The following MAGI1 variants were observed in gnomAD, a reference collection of about 807,000 sequenced individuals.
MAGI1 encodes the protein membrane associated guanylate kinase, WW and PDZ domain containing 1.
MAGI1 carries 58 observed loss-of-function variants against 139.9 expected under a neutral mutation model. The ratio of observed to expected loss-of-function variants is 0.41; its 90% confidence interval spans 0.34 to 0.52. MAGI1 has a LOEUF of 0.52. Among genes scored for constraint, MAGI1 ranks in the 20% least tolerant of loss-of-function variants. The pLI, the probability that MAGI1 is intolerant of heterozygous loss-of-function variation, is 0.12. For missense variants in MAGI1, 1,874 were observed against 1,901.6 expected (o/e 0.99, Z 0.27); for synonymous variants, 812 against 737.9 (o/e 1.10, Z -1.63).
At chr3:65,519,847 C>A (rs2078072793) in intron 2 of MAGI1, among the ~76,000 whole-genome samples, 1 of 152,186 alleles carries the variant, frequency 6.6e-6, no homozygotes, top group Non-Finnish European at 1.5e-5. Context: ...TCCAATTCCA[C>A]CCCCTGTGTA....
chr3:65,679,818 C>T (rs1028853355), intron 1 of MAGI1, among the ~76,000 whole-genome samples: 2 of 152,104 alleles, frequency 1.3e-5, no homozygotes, highest in African/African-American at 4.8e-5. Context: ...TTTATTTTTC[C>T]TATAAACTAG....
intron 1 of MAGI1, among the ~76,000 whole-genome samples, chr3:65,786,251 C>CTTTTTTTTTTTTTT (rs3077812): frequency 8.7e-6 from 1 of 114,832 alleles, no homozygotes; most frequent in African/African-American, 3.4e-5. Flanking sequence ...CCAATCATAA[C>CTTTTTTTTTTTTTT]TTTTTTTTTT....
At chr3:65,835,611 A>G (rs563027681) in intron 1 of MAGI1, among the ~76,000 whole-genome samples, 3 of 152,314 alleles carry the variant, frequency 2.0e-5, no homozygotes, top group Admixed American at 1.3e-4. Context: ...ACAGATGACT[A>G]TATACAAGAA....
chr3:65,386,479 C>T (rs987733491), intron 14 of MAGI1, among the ~76,000 whole-genome samples: 5 of 152,120 alleles, frequency 3.3e-5, no homozygotes, highest in Admixed American at 6.6e-5. Context: ...CAACTAAATG[C>T]CATTTACCCC....
intron 1 of MAGI1, among the ~76,000 whole-genome samples, chr3:65,685,528 T>A (rs905635935): frequency 2.0e-5 from 3 of 152,252 alleles, no homozygotes; most frequent in African/African-American, 4.8e-5. Flanking sequence ...TATTTTGTAT[T>A]ACACACAATG....
chr3:65,768,081 G>A (rs1018471019), intron 1 of MAGI1, among the ~76,000 whole-genome samples: 4 of 152,176 alleles, frequency 2.6e-5, no homozygotes, highest in African/African-American at 9.7e-5. Context: ...AAATAGGCAA[G>A]CATTCTATTC....
chr3:65,737,665 T>C (rs1022860229), intron 1 of MAGI1, among the ~76,000 whole-genome samples: 3 of 152,124 alleles, frequency 2.0e-5, no homozygotes, highest in African/African-American at 7.2e-5. Flanking sequence ...AAAATAAAGA[T>C]TTTACATGGG....
intron 1 of MAGI1, among the ~76,000 whole-genome samples, chr3:65,958,462 G>A (rs2064244327): frequency 6.6e-6 from 1 of 152,202 alleles, no homozygotes; most frequent in South Asian, 2.1e-4. Context: ...AGGGTTTACT[G>A]CAATGACAAA....
intron 1 of MAGI1, among the ~76,000 whole-genome samples, chr3:65,671,343 G>T: frequency 6.6e-6 from 1 of 152,276 alleles, no homozygotes; most frequent in East Asian, 1.9e-4. Context: ...AGGATGTGCA[G>T]CAGTATCCTC....
chr3:65,763,547 C>T (rs967507565), intron 1 of MAGI1, among the ~76,000 whole-genome samples: 4 of 152,038 alleles, frequency 2.6e-5, no homozygotes, highest in Non-Finnish European at 5.9e-5. Context: ...ATTTAATCCT[C>T]AAAACAACCC....
chr3:65,628,057 C>T (rs561794307), intron 1 of MAGI1, among the ~76,000 whole-genome samples: 47 of 152,262 alleles, frequency 3.1e-4, no homozygotes, highest in South Asian at 1.7e-3. Context: ...GCCTCCCTCC[C>T]CTAATTTTTT....
intron 1 of MAGI1, among the ~76,000 whole-genome samples, chr3:65,726,955 C>CA (rs2033683717): frequency 7.3e-6 from 1 of 136,954 alleles, no homozygotes. Flanking sequence ...GCTCCAAAAT[C>CA]CAAAAAAAAA....
intron 1 of MAGI1, among the ~76,000 whole-genome samples, chr3:65,655,442 G>A (rs2085820971): frequency 6.6e-6 from 1 of 152,130 alleles, no homozygotes; most frequent in Admixed American, 6.5e-5. Context: ...GCAAAACACA[G>A]ATGACAAAAT....
At chr3:65,695,900 T>G (rs2089140277) in intron 1 of MAGI1, among the ~76,000 whole-genome samples, 1 of 152,154 alleles carries the variant, frequency 6.6e-6, no homozygotes, top group Non-Finnish European at 1.5e-5. Context: ...CACTCTTTAC[T>G]CATCCTACAT....
intron 17 of MAGI1, among the ~76,000 whole-genome samples, chr3:65,378,183 T>C (rs1188763063): frequency 6.6e-6 from 1 of 152,186 alleles, no homozygotes; most frequent in African/African-American, 2.4e-5. Context: ...GGAAGCAGAT[T>C]CATATATCAC....
chr3:65,910,855 C>CTTTTTTTTTTTTTTTTTTTTTTTTT lies in MAGI1; in HGVS notation c.313+127140_313+127141insAAAAAAAAAAAAAAAAAAAAAAAAA, dbSNP rs397989928. On this transcript the variant is annotated intron_variant, in intron 1 of 22. Transcript: ENST00000402939. ...TGAGGCCTCTTTCAGACATGGTGGACTTTTTTTTTTTTTTTTTTTTGAGAT... is the reference window on the plus strand; with the variant it reads ...TGAGGCCTCTTTCAGACATGGTGGACTTTTTTTTTTTTTTTTTTTTTTTTTTTTTTTTTTTTTTTTTTTTTGAGAT... 3.2e-4 allele frequency among the ~76,000 whole-genome samples: 19 copies of CTTTTTTTTTTTTTTTTTTTTTTTTT among 59,480 alleles called. 8 individuals are homozygous for CTTTTTTTTTTTTTTTTTTTTTTTTT. The highest frequency in any genetic ancestry group is 1.5e-3 in the East Asian group (2 of 1,338). 39.0% of individuals were successfully genotyped at this position (59,480 alleles called of 152,430 possible).
At position 65,356,418 on chromosome 3, in the gene MAGI1, C is replaced by T; in HGVS notation, c.4349G>A (p.Arg1450Lys). 6.2e-7 allele frequency: 1 copy of T among 1,606,266 alleles called. No individual in the cohort carries two copies. The highest frequency in any genetic ancestry group is 8.5e-7 in the Non-Finnish European group (1 of 1,177,898). ...GGTGCTACATTCTTTGTAAGGTCGCCTTCTCTGCTCCGGGGGATGTCTGGA... is the reference window on the plus strand; with the variant it reads ...GGTGCTACATTCTTTGTAAGGTCGCTTTCTCTGCTCCGGGGGATGTCTGGA... ...RSSRHPPEQR[R>K]RPYKECSTDL... The change falls in exon 23 of 23, where the codon AGG (arginine) becomes AAG (lysine). Residue 1450 changes from arginine (R) to lysine (K), a missense_variant. Physicochemically the swap from Arg to Lys is conservative, Grantham distance 26 (BLOSUM62 2). This residue lies in a region of MAGI1 where 653 missense variants were observed against 644.5 expected (regional missense o/e 1.01). Coordinates refer to ENST00000402939, the MANE Select transcript of MAGI1 (RefSeq NM_001033057.2).
intron 5 of MAGI1, 55 bp downstream of exon 5, chr3:65,470,227 GA>G: frequency 8.0e-7 from 1 of 1,250,456 alleles, no homozygotes; most frequent in Non-Finnish European, 1.2e-6. Flanking sequence ...TAGACAGAGG[GA>G]AGGAAGGGAA....
intron 1 of MAGI1, among the ~76,000 whole-genome samples, chr3:65,994,551 A>G (rs2066342670): frequency 6.6e-6 from 1 of 152,150 alleles, no homozygotes; most frequent in South Asian, 2.1e-4. Context: ...CCCAAAACTT[A>G]GTGGCTTAGA....
Sources: gnomAD v4.1 joint callset for allele counts (sites outside exome capture counted in the v4.1 genomes callset) on GRCh38, gnomAD v4.1.1 for gene constraint, gnomAD v4.1.1 regional missense constraint, MANE v1.5 for transcripts, NCBI Gene and HGNC (gene_info 2026-07-23, HGNC 2026-07-21) for gene names.